The following EIF4G3 variants were observed in gnomAD, a reference collection of about 807,000 sequenced individuals.
EIF4G3 encodes eukaryotic translation initiation factor 4 gamma 3, also known as eIF-4-gamma 3.
In EIF4G3, 34 loss-of-function variants were observed where a neutral mutation model predicts 186.4. The ratio of observed to expected loss-of-function variants is 0.18; its 90% confidence interval spans 0.14 to 0.24. The LOEUF (loss-of-function observed/expected upper bound fraction) is 0.24. Among genes scored for constraint, EIF4G3 ranks in the 10% least tolerant of loss-of-function variants. The probability of loss-of-function intolerance (pLI) is 1.00; values close to 1 mark genes in which losing one functional copy is unlikely to be tolerated. For synonymous variants in EIF4G3, 673 were observed against 679.5 expected (o/e 0.99, Z 0.15); for missense variants, 1,536 against 1,948.5 (o/e 0.79, Z 3.99).
chr1:20,935,488 T>C (rs1326889198), intron 14 of EIF4G3, among the ~76,000 whole-genome samples: 2 of 152,250 alleles, frequency 1.3e-5, no homozygotes, highest in Non-Finnish European at 2.9e-5. Context: ...ATTATCTTTT[T>C]TCTTAATAAA....
intron 14 of EIF4G3, among the ~76,000 whole-genome samples, chr1:20,922,707 C>T (rs1486494718): frequency 6.6e-6 from 1 of 152,210 alleles, no homozygotes; most frequent in Non-Finnish European, 1.5e-5. Flanking sequence ...TACTGCTCTA[C>T]AGTTTCAACA....
chr1:21,071,208 C>A (rs1262238089), intron 3 of EIF4G3, among the ~76,000 whole-genome samples: 2 of 152,248 alleles, frequency 1.3e-5, no homozygotes, highest in African/African-American at 2.4e-5. Flanking sequence ...AGTTCTAGAC[C>A]AGCCTGGGCA....
chr1:20,809,296 T>C (rs1557710874), intron 36 of EIF4G3, among the ~76,000 whole-genome samples: 1 of 152,220 alleles, frequency 6.6e-6, no homozygotes. Context: ...ATCTGATTCA[T>C]GGTAGATTGT....
At chr1:21,063,381 G>C (rs1231076601) in intron 3 of EIF4G3, among the ~76,000 whole-genome samples, 3 of 152,058 alleles carry the variant, frequency 2.0e-5, no homozygotes, top group Admixed American at 6.6e-5. Flanking sequence ...TCTGCTGAGA[G>C]AGCGTTAAAA....
chr1:21,143,154 C>G (rs1260375606), intron 2 of EIF4G3, among the ~76,000 whole-genome samples: 1 of 151,930 alleles, frequency 6.6e-6, no homozygotes, highest in African/African-American at 2.4e-5. Flanking sequence ...GAGGTTGAGG[C>G]TGGAGAATAA....
chr1:21,101,625 G>A (rs1472727241), intron 2 of EIF4G3, among the ~76,000 whole-genome samples: 462 of 36,764 alleles, frequency 0.013, no homozygotes, highest in East Asian at 0.017. Context: ...AACAAAGAAA[G>A]AAAGGAAGGA....
At chr1:21,055,939 C>T (rs2094543270) in intron 3 of EIF4G3, among the ~76,000 whole-genome samples, 1 of 152,010 alleles carries the variant, frequency 6.6e-6, no homozygotes, top group Admixed American at 6.6e-5. Flanking sequence ...ACTGAAAGAA[C>T]AATTTAAATT....
intron 14 of EIF4G3, among the ~76,000 whole-genome samples, chr1:20,936,668 T>A (rs1036533991): frequency 1.3e-5 from 2 of 152,238 alleles, no homozygotes; most frequent in African/African-American, 4.8e-5. Flanking sequence ...GACTTTTATA[T>A]CTCTGGTTTT....
chr1:21,131,024 G>C (rs2097142238), intron 2 of EIF4G3, among the ~76,000 whole-genome samples: 1 of 151,990 alleles, frequency 6.6e-6, no homozygotes, highest in Admixed American at 6.6e-5. Flanking sequence ...TGGATCACCT[G>C]AGATCAGGAG....
At chr1:20,934,536 T>G (rs896180208) in intron 14 of EIF4G3, among the ~76,000 whole-genome samples, 2 of 152,102 alleles carry the variant, frequency 1.3e-5, no homozygotes, top group Non-Finnish European at 2.9e-5. Context: ...GTCCTCAATG[T>G]TCTCAATAAA....
intron 2 of EIF4G3, among the ~76,000 whole-genome samples, chr1:21,142,374 C>G (rs552162338): frequency 1.3e-5 from 2 of 149,116 alleles, no homozygotes; most frequent in South Asian, 4.3e-4. Context: ...GTGTGGTGCA[C>G]CATGTGCCTG....
chr1:20,903,583 T>C (rs961188791), intron 15 of EIF4G3, among the ~76,000 whole-genome samples: 4 of 152,188 alleles, frequency 2.6e-5, no homozygotes, highest in Non-Finnish European at 5.9e-5. Context: ...GTGCAATGAC[T>C]ATTTGCACCT....
At chr1:20,817,239 TTAAA>T (rs1398532780) in intron 34 of EIF4G3, among the ~76,000 whole-genome samples, 149 bp downstream of exon 34, 6 of 96,852 alleles carry the variant, frequency 6.2e-5, no homozygotes, top group Admixed American at 9.9e-5. Flanking sequence ...GAATGATCAA[TTAAA>T]AAAAAAAAAT....
chr1:21,158,169 CTTTTTTTT>C (rs71014163), intron 2 of EIF4G3, among the ~76,000 whole-genome samples: 1 of 99,514 alleles, frequency 1.0e-5, no homozygotes, highest in Non-Finnish European at 1.9e-5. Flanking sequence ...AAATACATAG[CTTTTTTTT>C]TTTTTTTTTT....
At chr1:21,054,927 G>GTT (rs1553181729) in intron 3 of EIF4G3, among the ~76,000 whole-genome samples, 1 of 152,086 alleles carries the variant, frequency 6.6e-6, no homozygotes, top group Non-Finnish European at 1.5e-5. Flanking sequence ...TAAAATAATT[G>GTT]TATCTAGTTT....
At chr1:21,110,652 AACTCCTGACCTCAGGTGATCCACC>A (rs2096708993) in intron 2 of EIF4G3, among the ~76,000 whole-genome samples, 1 of 152,030 alleles carries the variant, frequency 6.6e-6, no homozygotes, top group Non-Finnish European at 1.5e-5. Flanking sequence ...ACTGGTCTCG[AACTCCTGACCTCAGGTGATCCACC>A]CACCTCAGCC....
chr1:21,112,664 T>C (rs931880236), intron 2 of EIF4G3, among the ~76,000 whole-genome samples: 1 of 152,206 alleles, frequency 6.6e-6, no homozygotes, highest in Non-Finnish European at 1.5e-5. Flanking sequence ...ATTCTAGATA[T>C]ACCCAATTCC....
chr1:20,825,247 A>C (rs2063313934), intron 32 of EIF4G3, 49 bp from the exon 33 acceptor site: 1 of 1,086,144 alleles, frequency 9.2e-7, no homozygotes, highest in South Asian at 1.6e-5. Flanking sequence ...TGGAAGAAGA[A>C]ACAGAAAAAA....
At chr1:21,152,566 C>T (rs2097570275) in intron 2 of EIF4G3, among the ~76,000 whole-genome samples, 1 of 152,066 alleles carries the variant, frequency 6.6e-6, no homozygotes, top group South Asian at 2.1e-4. Context: ...CCTAATGCAA[C>T]TTCAATTACC....
Sources: gnomAD v4.1 joint callset for allele counts (sites outside exome capture counted in the v4.1 genomes callset) on GRCh38, gnomAD v4.1.1 for gene constraint, MANE v1.5 for transcripts, NCBI Gene and HGNC (gene_info 2026-07-23, HGNC 2026-07-21) for gene names.